STPG2: variants seen among roughly 807,000 people sequenced by gnomAD.
STPG2 encodes sperm tail PG-rich repeat containing 2, also known as sperm-tail PG-rich repeat-containing protein 2.
A neutral mutation model predicts 54.2 loss-of-function variants in STPG2; 56 were observed. That is an observed-to-expected ratio of 1.03 (90% CI 0.83 to 1.29). The LOEUF (loss-of-function observed/expected upper bound fraction) is 1.29. STPG2 is among the 50% of genes most tolerant of loss of function. The pLI is 0.00. For missense variants in STPG2, 596 were observed against 544.9 expected, an observed-to-expected ratio of 1.09 and a Z score of -0.93; for synonymous variants, 200 against 181.8, an observed-to-expected ratio of 1.10 and a Z score of -0.81.
At chr4:98,012,309 A>G (rs565618215) in intron 5 of STPG2, among the ~76,000 whole-genome samples, 45 of 152,168 alleles carry the variant, frequency 3.0e-4, no homozygotes, top group Middle Eastern at 3.4e-3. Flanking sequence ...ATTAGTCTAT[A>G]TGTCTGTTTT....
intron 4 of STPG2, among the ~76,000 whole-genome samples, chr4:97,489,158 C>G (rs906465320): frequency 6.6e-6 from 1 of 151,672 alleles, no homozygotes; most frequent in South Asian, 2.1e-4. Flanking sequence ...CCATGTAAAA[C>G]GTGACTTGAA....
intron 9 of STPG2, among the ~76,000 whole-genome samples, chr4:97,834,260 T>A (rs1728566430): frequency 6.6e-6 from 1 of 151,866 alleles, no homozygotes; most frequent in Non-Finnish European, 1.5e-5. Flanking sequence ...ACACACGAAC[T>A]GAAAACCAAA....
intron 8 of STPG2, among the ~76,000 whole-genome samples, chr4:97,891,895 A>G (rs1730785422): frequency 6.6e-6 from 1 of 152,132 alleles, no homozygotes; most frequent in Non-Finnish European, 1.5e-5. Flanking sequence ...ATGAAGTCAG[A>G]AACCATTATG....
intron 4 of STPG2, among the ~76,000 whole-genome samples, chr4:97,476,526 T>C (rs1730076235): frequency 1.3e-5 from 2 of 152,176 alleles, no homozygotes; most frequent in Admixed American, 6.5e-5. Flanking sequence ...TATTGCATTG[T>C]TTAGAATCTC....
At chr4:97,957,111 GTGAAATATACATGTGAAATATATA>G (rs989114572) in intron 7 of STPG2, among the ~76,000 whole-genome samples, 8 of 138,270 alleles carry the variant, frequency 5.8e-5, no homozygotes, top group African/African-American at 1.9e-4. Flanking sequence ...AAATATACAT[GTGAAATATACATGTGAAATATATA>G]TGAAATATAC....
chr4:97,795,318 G>T (rs1727131279), intron 9 of STPG2, among the ~76,000 whole-genome samples: 1 of 152,038 alleles, frequency 6.6e-6, no homozygotes, highest in African/African-American at 2.4e-5. Flanking sequence ...TTTACATTAG[G>T]TATATCTCCT....
At chr4:97,926,762 G>T (rs184243509) in intron 8 of STPG2, among the ~76,000 whole-genome samples, 29 of 152,120 alleles carry the variant, frequency 1.9e-4, no homozygotes, top group Admixed American at 1.7e-3. Flanking sequence ...TATATTAATA[G>T]AATGATGAAA....
intron 4 of STPG2, among the ~76,000 whole-genome samples, chr4:97,480,458 T>G (rs966979222): frequency 6.6e-6 from 1 of 151,644 alleles, no homozygotes; most frequent in African/African-American, 2.4e-5. Context: ...TTATCTCATT[T>G]TAAGAGGCCT....
At chr4:98,022,030 AT>A (rs1347504727) in intron 5 of STPG2, among the ~76,000 whole-genome samples, 1 of 150,254 alleles carries the variant, frequency 6.7e-6, no homozygotes. Flanking sequence ...TAAAGTTAAT[AT>A]TGTTATGTGT....
chr4:97,599,290 C>T (rs1360418703), intron 10 of STPG2, among the ~76,000 whole-genome samples: 1 of 152,192 alleles, frequency 6.6e-6, no homozygotes, highest in African/African-American at 2.4e-5. Flanking sequence ...TTATACACCT[C>T]TGGTGGGAAT....
intron 10 of STPG2, among the ~76,000 whole-genome samples, chr4:97,651,758 G>C (rs1165949458): frequency 2.0e-5 from 3 of 151,912 alleles, no homozygotes; most frequent in African/African-American, 7.2e-5. Context: ...AACTGATGAA[G>C]GTTGTATGAA....
At chr4:97,985,253 A>C (rs1734794678) in intron 5 of STPG2, among the ~76,000 whole-genome samples, 1 of 152,160 alleles carries the variant, frequency 6.6e-6, no homozygotes, top group Admixed American at 6.6e-5. Flanking sequence ...TTACTTGAGG[A>C]ATTAAAATAT....
chr4:97,854,224 C>T (rs1330149675), intron 8 of STPG2, among the ~76,000 whole-genome samples: 6 of 152,068 alleles, frequency 3.9e-5, no homozygotes, highest in Non-Finnish European at 1.5e-5. Context: ...AAGGTTATGG[C>T]CTCTGAAGCT....
At chr4:97,628,556 T>G (rs1342554184) in intron 10 of STPG2, among the ~76,000 whole-genome samples, 1 of 152,186 alleles carries the variant, frequency 6.6e-6, no homozygotes, top group East Asian at 1.9e-4. Flanking sequence ...AATGTTTATT[T>G]TATCACTGTG....
intron 8 of STPG2, among the ~76,000 whole-genome samples, chr4:97,942,928 A>C (rs1733046305): frequency 6.6e-6 from 1 of 152,214 alleles, no homozygotes; most frequent in African/African-American, 2.4e-5. Flanking sequence ...CTTGTTCACA[A>C]AAGGCTACAC....
chr4:97,570,832 T>A (rs193062420), intron 10 of STPG2, among the ~76,000 whole-genome samples: 1 of 152,278 alleles, frequency 6.6e-6, no homozygotes, highest in East Asian at 1.9e-4. Context: ...TCCAAAGCCA[T>A]CTGAGAACTA....
chr4:97,991,519 G>C (rs906395992), intron 5 of STPG2, among the ~76,000 whole-genome samples: 34 of 150,334 alleles, frequency 2.3e-4, no homozygotes, highest in Non-Finnish European at 4.6e-4. Context: ...GGGCATTTGG[G>C]CTCCTTCCAT....
intron 5 of STPG2, among the ~76,000 whole-genome samples, chr4:98,017,632 C>T (rs1244680736): frequency 6.6e-6 from 1 of 152,148 alleles, no homozygotes; most frequent in Non-Finnish European, 1.5e-5. Context: ...AACCTTAGCG[C>T]TTGTGAACAT....
chr4:98,005,439 A>C (rs1735548657), intron 5 of STPG2, among the ~76,000 whole-genome samples: 1 of 152,236 alleles, frequency 6.6e-6, no homozygotes, highest in Admixed American at 6.5e-5. Flanking sequence ...AATAGAAGTC[A>C]TGATAATGAA....
Sources: gnomAD v4.1 joint callset for allele counts (sites outside exome capture counted in the v4.1 genomes callset) on GRCh38, gnomAD v4.1.1 for gene constraint, MANE v1.5 for transcripts, NCBI Gene and HGNC (gene_info 2026-07-23, HGNC 2026-07-21) for gene names.